The following ZSWIM4 variants were observed in gnomAD, a reference collection of about 807,000 sequenced individuals.
ZSWIM4 encodes zinc finger SWIM domain-containing protein 4.
ZSWIM4 carries 62 observed loss-of-function variants against 102.5 expected under a neutral mutation model. The observed-to-expected ratio is 0.60, with a 90% confidence interval of 0.49 to 0.75. The LOEUF (loss-of-function observed/expected upper bound fraction) is 0.75, where lower values mean the gene tolerates loss of function less well. Ranked by LOEUF, ZSWIM4 falls within the 30% of genes least tolerant of loss-of-function variation. The pLI, the probability that ZSWIM4 is intolerant of heterozygous loss-of-function variation, is 0.00. For synonymous variants in ZSWIM4, 652 were observed against 674.5 expected (o/e 0.97, Z 0.52); for missense variants, 1,280 against 1,529.6 (o/e 0.84, Z 2.72).
chr19:13,831,357 T>G lies in ZSWIM4; in HGVS notation c.*307T>G, dbSNP rs975145934. The G allele has an allele frequency of 6.8e-6, 2 of 295,414 alleles. No individual in the cohort carries two copies. The highest frequency in any genetic ancestry group is 9.9e-4 in the Middle Eastern group (1 of 1,010). The allele number at this position is 295,414 out of a possible 1,614,324, so 18.3% of individuals were successfully genotyped here. On this transcript the variant is annotated 3_prime_UTR_variant, in exon 14 of 14. Coordinates refer to ENST00000590508, the MANE Select transcript of ZSWIM4 (RefSeq NM_001367834.3). Reference sequence around the variant, plus strand: ...ATAGGCAAACTCCCCTTACCCAGACTGGCTTGGGCTCCAGGAGGGAGGCTG... The same window carrying G: ...ATAGGCAAACTCCCCTTACCCAGACGGGCTTGGGCTCCAGGAGGGAGGCTG...
chr19:13,817,820 C>T lies in ZSWIM4; in HGVS notation c.1768C>T (p.Leu590=). 6.3e-7 allele frequency: 1 copy of T among 1,577,510 alleles called. No homozygotes were observed. Among genetic ancestry groups the T allele is most frequent in the South Asian group, 1.2e-5 (1 of 86,026 alleles). ...YLVLALEVAL[L]GLGQQRALPE... ...GGTGCTGGCGCTGGAGGTGGCACTG[C>T]TGGGGCTGGGGCAGCAGCGGGCCCT... Residue 590 remains leucine, a synonymous_variant, in exon 9 of 14, where the codon CTG becomes TTG. Transcript: ENST00000590508.
In ZSWIM4 at chr19:13,804,469, C is replaced by CAAAT. The variant is rs538890080; in HGVS notation, c.356-299_356-296dup. Reference sequence around the variant, plus strand: ...TGGGCAACAGAGCAAAGCTCTGTCCCAAATAAATAAATAAATAAATAAATA... The same window carrying CAAAT: ...TGGGCAACAGAGCAAAGCTCTGTCCCAAATAAATAAATAAATAAATAAATAAATA... On this transcript the variant is annotated intron_variant, in intron 2 of 13. Transcript: ENST00000590508. Among the ~76,000 whole-genome samples the CAAAT allele has an allele frequency of 6.3e-3, 943 of 150,076 alleles. 4 individuals carry two copies. The highest frequency in any genetic ancestry group is 9.0e-3 in the Non-Finnish European group (612 of 67,710).
intron 2 of ZSWIM4, among the ~76,000 whole-genome samples, chr19:13,800,297 G>T (rs1974732809): frequency 1.0e-5 from 1 of 97,742 alleles, no homozygotes; most frequent in Non-Finnish European, 2.0e-5. Flanking sequence ...ACGGAGTCTC[G>T]CTTTTTCGCC....
At chr19:13,827,588 C>CAAAAAAA (rs35504300) in intron 12 of ZSWIM4, among the ~76,000 whole-genome samples, 2 of 72,488 alleles carry the variant, frequency 2.8e-5, no homozygotes, top group Admixed American at 1.7e-4. Context: ...GTGAGACCCT[C>CAAAAAAA]AAAAAAAAAA....
chr19:13,803,373 G>A (rs1974826039), intron 2 of ZSWIM4, among the ~76,000 whole-genome samples: 1 of 152,206 alleles, frequency 6.6e-6, no homozygotes, highest in Admixed American at 6.5e-5. Flanking sequence ...CGGGTCTTTG[G>A]CATTTTCTCA....
intron 7 of ZSWIM4, among the ~76,000 whole-genome samples, chr19:13,816,166 G>A (rs1975283354): frequency 6.6e-6 from 1 of 152,086 alleles, no homozygotes; most frequent in African/African-American, 2.4e-5. Context: ...GCTAGTCGAT[G>A]GGGTTGATGG....
chr19:13,801,267 G>A (rs1012668626), intron 2 of ZSWIM4, among the ~76,000 whole-genome samples: 2 of 152,152 alleles, frequency 1.3e-5, no homozygotes, highest in Non-Finnish European at 2.9e-5. Flanking sequence ...GGTTGGGTTC[G>A]GGATTATGAG....
In ZSWIM4 at chr19:13,814,643, G is replaced by A. The variant is rs1468050102; in HGVS notation, c.1309G>A (p.Gly437Arg). ...GAGGATCCTGGCCAGTGACTCCTAC[G>A]GGCCCAGCCTCACAGGCAGCGTGGG... ...LQRILASDSY[G>R]PSLTGSVGGD... is the part of the protein sequence containing the mutation. Residue 437 changes from glycine (G) to arginine (R), a missense_variant, in exon 7 of 14, where the codon GGG (glycine) becomes AGG (arginine). By Grantham distance (125) the Gly-to-Arg change is moderately radical (BLOSUM62 -2). Transcript: ENST00000590508. 5 of 1,264,206 alleles carry A rather than the reference G, an allele frequency of 4.0e-6. No homozygotes were observed. The highest frequency in any genetic ancestry group is 1.3e-5 in the South Asian group (1 of 78,998). 78.3% of individuals were successfully genotyped at this position (1,264,206 alleles called of 1,614,324 possible).
At chr19:13,827,896 AG>A (rs1255640615) in intron 12 of ZSWIM4, among the ~76,000 whole-genome samples, 1 of 152,138 alleles carries the variant, frequency 6.6e-6, no homozygotes, top group Non-Finnish European at 1.5e-5. Flanking sequence ...GGCAAGAGAG[AG>A]GAGCCAACAG....
At chr19:13,814,923 G>C (rs912866793) in intron 7 of ZSWIM4, 58 bp downstream of exon 7, 1 of 1,058,620 alleles carries the variant, frequency 9.4e-7, no homozygotes, top group Admixed American at 3.6e-5. Context: ...TTGGGAGTCC[G>C]AGGTGGGAGG....
At chr19:13,800,989 A>G (rs1302740425) in intron 2 of ZSWIM4, among the ~76,000 whole-genome samples, 3 of 152,056 alleles carry the variant, frequency 2.0e-5, no homozygotes, top group Admixed American at 2.0e-4. Flanking sequence ...AAAAAAATCA[A>G]AAAATGAGCT....
At position 13,813,225 on chromosome 19, in the gene ZSWIM4, C is replaced by T. The variant is rs368006655; in HGVS notation, c.1180+61C>T. The stretch of plus-strand genomic sequence containing the variant: ...ACCATCACCACTAACTGTGGCCCCA[C>T]TTACCATCATGGTCCTCTTCCCAGG... On this transcript the variant is annotated intron_variant, in intron 6 of 13. Coordinates refer to ENST00000590508, the MANE Select transcript of ZSWIM4 (RefSeq NM_001367834.3). The T allele has an allele frequency of 3.7e-6, 5 of 1,368,760 alleles. No homozygotes were observed. In the African/African-American group the frequency reaches 4.3e-5, roughly 12 times the overall value. 84.8% of individuals were successfully genotyped at this position (1,368,760 alleles called of 1,614,324 possible). A position where few individuals can be genotyped will look rare whatever the true frequency, so the allele number is the denominator to read the frequency against.
chr19:13,820,283 C>T (rs761979830), intron 10 of ZSWIM4, among the ~76,000 whole-genome samples: 1 of 151,980 alleles, frequency 6.6e-6, no homozygotes, highest in Non-Finnish European at 1.5e-5. Context: ...TCACCCAGGC[C>T]AGAGTAAAGT....
intron 11 of ZSWIM4, among the ~76,000 whole-genome samples, chr19:13,824,015 G>A (rs763224102): frequency 1.3e-5 from 2 of 151,762 alleles, no homozygotes; most frequent in African/African-American, 4.8e-5. Flanking sequence ...TTGAGAGTTG[G>A]GGGGAGTGAA....
chr19:13,817,118 G>A lies in ZSWIM4; in HGVS notation c.1532-98G>A, dbSNP rs543275325. 4,901 of 1,470,910 alleles carry A rather than the reference G, an allele frequency of 3.3e-3. 16 individuals carry two copies. Among genetic ancestry groups the A allele is most frequent in the Non-Finnish European group, 4.2e-3 (4,616 of 1,101,916 alleles). The allele number at this position is 1,470,910 out of a possible 1,614,324, so 91.1% of individuals were successfully genotyped here. ...TGGGTGAGCAGGTGGTGGGCATTAT[G>A]GGGCTAGGCTGGCTGGCAGGTCAAG... On this transcript the variant is annotated intron_variant, in intron 7 of 13. Transcript: ENST00000590508.
At chr19:13,822,032 G>A (rs7256290) in intron 10 of ZSWIM4, among the ~76,000 whole-genome samples, 44,715 of 151,922 alleles carry the variant, frequency 0.29, 7,142 homozygotes, top group African/African-American at 0.43. Context: ...CACCACACCC[G>A]GCCTAGTTTA....
intron 5 of ZSWIM4, 66 bp from the exon 6 acceptor site, chr19:13,812,931 C>A: frequency 6.7e-7 from 1 of 1,497,672 alleles, no homozygotes. Flanking sequence ...ACACAGTGGG[C>A]ACTGCGGAAG....
rs1758844870 is a variant in ZSWIM4, at chr19:13,817,197, C to T, written c.1532-19C>T. 6.2e-7 allele frequency: 1 copy of T among 1,601,814 alleles called. No individual in the cohort carries two copies. ...TTGGGCAGGTGTGTGGGCATTGAGC[C>T]CCCTCTTTCCACCTGCAGAGCTGCT... On this transcript the variant is annotated intron_variant, in intron 7 of 13. Coordinates refer to ENST00000590508, the MANE Select transcript of ZSWIM4 (RefSeq NM_001367834.3).
chr19:13,818,533 G>A (rs1476604457), intron 9 of ZSWIM4, among the ~76,000 whole-genome samples: 16 of 152,162 alleles, frequency 1.1e-4, no homozygotes, highest in Admixed American at 1.0e-3. Context: ...TCACCTGCGA[G>A]TGTGCCTGGA....
Sources: allele counts gnomAD v4.1 joint callset (sites outside exome capture counted in the v4.1 genomes callset), GRCh38; gene constraint gnomAD v4.1.1; transcripts MANE v1.5; gene names NCBI Gene and HGNC (gene_info 2026-07-23, HGNC 2026-07-21).